Variants in MAN1A2 observed in about 807,000 individuals in gnomAD.
The protein encoded by MAN1A2 is mannosidase alpha class 1A member 2.
In MAN1A2, 26 loss-of-function variants were observed where a neutral mutation model predicts 75.7. That is an observed-to-expected ratio of 0.34 (90% confidence interval 0.25 to 0.48). The LOEUF (loss-of-function observed/expected upper bound fraction) is 0.48. MAN1A2 is among the 20% of genes least tolerant of loss of function. The probability of loss-of-function intolerance (pLI) is 0.99; values close to 1 mark genes in which losing one functional copy is unlikely to be tolerated. For missense variants in MAN1A2, 562 were observed against 775.5 expected (o/e 0.72, Z 3.27); for synonymous variants, 247 against 264.6 (o/e 0.93, Z 0.65).
At chr1:117,464,852 G>A (rs952398688) in intron 7 of MAN1A2, among the ~76,000 whole-genome samples, 3 of 152,066 alleles carry the variant, frequency 2.0e-5, no homozygotes, top group African/African-American at 7.2e-5. Flanking sequence ...GGTGTTTTAT[G>A]TCAAAACTTT....
intron 8 of MAN1A2, among the ~76,000 whole-genome samples, chr1:117,490,919 G>A (rs955625386): frequency 3.9e-5 from 6 of 151,928 alleles, no homozygotes; most frequent in African/African-American, 4.8e-5. Flanking sequence ...GCATCATCCA[G>A]AGCAAGGCTC....
chr1:117,490,870 A>C (rs537543838), intron 8 of MAN1A2, among the ~76,000 whole-genome samples: 1 of 152,104 alleles, frequency 6.6e-6, no homozygotes, highest in African/African-American at 2.4e-5. Flanking sequence ...TCTGGGTACC[A>C]TTCAGACCAA....
At chr1:117,393,685 A>G (rs950973565) in intron 1 of MAN1A2, among the ~76,000 whole-genome samples, 3 of 152,140 alleles carry the variant, frequency 2.0e-5, no homozygotes, top group East Asian at 1.9e-4. Context: ...AAATGGAGCA[A>G]TGGGGAGTTA....
chr1:117,389,788 T>A (rs1001227904), intron 1 of MAN1A2, among the ~76,000 whole-genome samples: 5 of 151,502 alleles, frequency 3.3e-5, no homozygotes, highest in African/African-American at 1.2e-4. Flanking sequence ...GTTCTTGATC[T>A]TAATGGGGAA....
At chr1:117,446,274 A>T in intron 6 of MAN1A2, among the ~76,000 whole-genome samples, 2 of 150,692 alleles carry the variant, frequency 1.3e-5, no homozygotes, top group South Asian at 2.1e-4. Flanking sequence ...GGTTTTATTG[A>T]TTTCTGGTTT....
chr1:117,418,264 T>C (rs550234926), intron 4 of MAN1A2, among the ~76,000 whole-genome samples: 2 of 152,228 alleles, frequency 1.3e-5, no homozygotes, highest in South Asian at 4.1e-4. Flanking sequence ...TGTGTTTGTG[T>C]TCTAGTGTCA....
intron 8 of MAN1A2, among the ~76,000 whole-genome samples, chr1:117,468,681 G>A (rs965444022): frequency 8.5e-5 from 13 of 152,206 alleles, no homozygotes; most frequent in African/African-American, 2.2e-4. Flanking sequence ...GTTTTTAAAC[G>A]TCTTGTAATA....
At chr1:117,472,141 T>C (rs754537002) in intron 8 of MAN1A2, among the ~76,000 whole-genome samples, 9 of 151,934 alleles carry the variant, frequency 5.9e-5, no homozygotes, top group Admixed American at 2.0e-4. Flanking sequence ...TTCTGAAATA[T>C]TCGTTTCCCC....
At chr1:117,480,402 T>C (rs2101858616) in intron 8 of MAN1A2, among the ~76,000 whole-genome samples, 1 of 152,036 alleles carries the variant, frequency 6.6e-6, no homozygotes, top group Middle Eastern at 3.4e-3. Context: ...TTCCATCATT[T>C]AGCGATTACT....
intron 4 of MAN1A2, among the ~76,000 whole-genome samples, chr1:117,415,582 A>G (rs973076506): frequency 2.0e-5 from 3 of 152,174 alleles, no homozygotes; most frequent in Non-Finnish European, 4.4e-5. Flanking sequence ...AAAGAGAACA[A>G]TTTTTATTAT....
chr1:117,429,553 C>T (rs1449575151), intron 5 of MAN1A2, among the ~76,000 whole-genome samples: 2,836 of 88,740 alleles, frequency 0.032, 16 homozygotes, highest in South Asian at 0.048. Context: ...ACCTCCCTCC[C>T]GGACGGGGCG....
intron 6 of MAN1A2, among the ~76,000 whole-genome samples, chr1:117,446,104 C>G (rs1011554706): frequency 6.6e-6 from 1 of 150,836 alleles, no homozygotes; most frequent in African/African-American, 2.4e-5. Flanking sequence ...CTTTGTTTTA[C>G]CTTTCATCTT....
chr1:117,379,759 C>T (rs1191873284), intron 1 of MAN1A2, among the ~76,000 whole-genome samples: 12 of 152,054 alleles, frequency 7.9e-5, no homozygotes, highest in Non-Finnish European at 1.8e-4. Flanking sequence ...TGGGTTCTTT[C>T]ACTTAGCATA....
chr1:117,420,592 A>G lies in MAN1A2; in HGVS notation c.798A>G (p.Glu266=), dbSNP rs773033346. The G allele has an allele frequency of 3.7e-6, 6 of 1,612,738 alleles. No individual in the cohort carries two copies. In the South Asian group the frequency reaches 6.6e-5, roughly 18 times the overall value. Residue 266 remains glutamate, a synonymous_variant, in exon 5 of 13, where the codon GAA becomes GAG. Coordinates refer to ENST00000356554, the MANE Select transcript of MAN1A2 (RefSeq NM_006699.5). ...AGAATTCAGAGGTGTCTGTGTTTGA[A>G]GTCAACATTCGATTTATTGGAGGCC... ...FSVNSEVSVF[E]VNIRFIGGLL... is the part of the protein sequence containing the mutation.
intron 6 of MAN1A2, 97 bp downstream of exon 6, chr1:117,442,422 C>A: frequency 1.4e-6 from 1 of 730,698 alleles, no homozygotes; most frequent in Non-Finnish European, 2.4e-6. Flanking sequence ...TTTTTAAAGA[C>A]ATATTGTTTT....
chr1:117,413,630 A>G (rs984711992), intron 3 of MAN1A2, among the ~76,000 whole-genome samples: 1 of 151,986 alleles, frequency 6.6e-6, no homozygotes, highest in African/African-American at 2.4e-5. Context: ...GGGTCTTTAA[A>G]GAAGTTCCTG....
At chr1:117,466,258 C>A in intron 7 of MAN1A2, 76 bp from the exon 8 acceptor site, 1 of 941,786 alleles carries the variant, frequency 1.1e-6, no homozygotes, top group Non-Finnish European at 1.6e-6. Flanking sequence ...TAAGAAAAAA[C>A]ACAAAGCCTA....
chr1:117,414,779 A>G lies in MAN1A2; in HGVS notation c.722A>G (p.Asp241Gly), dbSNP rs1417943636. The G allele has an allele frequency of 6.2e-7, 1 of 1,610,950 alleles. No individual in the cohort carries two copies. ...ACCCTTTATATCATGGGACTTCATGATGAATTCCTAGATGGGCAAAGATGG... is the reference window on the plus strand; with the variant it reads ...ACCCTTTATATCATGGGACTTCATGGTGAATTCCTAGATGGGCAAAGATGG... ...LDTLYIMGLH[D>G]EFLDGQRWIE... The change falls in exon 4 of 13, where the codon GAT becomes GGT. Residue 241 changes from aspartate (D) to glycine (G), a missense_variant. Asp to Gly is a moderately conservative substitution (Grantham distance 94, BLOSUM62 -1). This residue lies in a region of MAN1A2 where 434 missense variants were observed against 645.7 expected (regional missense o/e 0.67). Coordinates refer to ENST00000356554, the MANE Select transcript of MAN1A2 (RefSeq NM_006699.5).
chr1:117,429,759 C>T (rs1648536669), intron 5 of MAN1A2, among the ~76,000 whole-genome samples: 3 of 107,784 alleles, frequency 2.8e-5, no homozygotes, highest in Admixed American at 1.7e-4. Flanking sequence ...GGGCGGGGGG[C>T]TGACCCCCCC....
Sources: gnomAD v4.1 joint callset for allele counts (sites outside exome capture counted in the v4.1 genomes callset) on GRCh38, gnomAD v4.1.1 for gene constraint, gnomAD v4.1.1 regional missense constraint, MANE v1.5 for transcripts, NCBI Gene and HGNC (gene_info 2026-07-23, HGNC 2026-07-21) for gene names.